SUMF1: variants seen among roughly 807,000 people sequenced by gnomAD.
SUMF1 encodes formylglycine-generating enzyme.
A neutral mutation model predicts 47.6 loss-of-function variants in SUMF1; 48 were observed. The ratio of observed to expected loss-of-function variants is 1.01; its 90% CI spans 0.80 to 1.28. SUMF1 has a LOEUF of 1.28. Ranked by LOEUF, SUMF1 falls within the 50% of genes most tolerant of loss-of-function variation. SUMF1 has a pLI of 0.00. For synonymous variants in SUMF1, 230 were observed against 192.1 expected, an observed-to-expected ratio of 1.20 and a Z score of -1.63; for missense variants, 571 against 485.4, an observed-to-expected ratio of 1.18 and a Z score of -1.66.
At chr3:4,256,041 G>A (rs1367535497) in intron 8 of SUMF1, among the ~76,000 whole-genome samples, 1 of 150,662 alleles carries the variant, frequency 6.6e-6, no homozygotes, top group Non-Finnish European at 1.5e-5. Flanking sequence ...AATGAAGGCA[G>A]AAATAAAGAT....
intron 3 of SUMF1, among the ~76,000 whole-genome samples, chr3:4,423,279 TACACACACACACACACAC>T (rs56729932): frequency 6.8e-6 from 1 of 147,126 alleles, no homozygotes. Flanking sequence ...GAAACTGTGA[TACACACACACACACACAC>T]ACACACACAC....
At chr3:4,105,433 G>C (rs1254510848) in intron 8 of SUMF1, among the ~76,000 whole-genome samples, 1 of 152,116 alleles carries the variant, frequency 6.6e-6, no homozygotes, top group African/African-American at 2.4e-5. Context: ...TGATAAGTTT[G>C]TGAATTAGAA....
intron 8 of SUMF1, among the ~76,000 whole-genome samples, chr3:4,080,447 C>G (rs566344536): frequency 3.9e-5 from 6 of 152,088 alleles, no homozygotes; most frequent in Admixed American, 3.9e-4. Flanking sequence ...TATGCTAATA[C>G]TTGAACCAAC....
At chr3:4,058,608 C>T (rs1419088546) in intron 9 of SUMF1, among the ~76,000 whole-genome samples, 1 of 152,098 alleles carries the variant, frequency 6.6e-6, no homozygotes, top group Non-Finnish European at 1.5e-5. Context: ...ATAGGGAAAT[C>T]ATTTAGTAAT....
chr3:4,261,349 T>C (rs904847096), intron 8 of SUMF1, among the ~76,000 whole-genome samples: 5 of 152,166 alleles, frequency 3.3e-5, no homozygotes, highest in East Asian at 1.9e-4. Context: ...AAGAAGAAGA[T>C]ACATTCAGTT....
intron 3 of SUMF1, among the ~76,000 whole-genome samples, chr3:4,425,371 G>A (rs1432749645): frequency 1.3e-5 from 2 of 152,066 alleles, no homozygotes; most frequent in South Asian, 2.1e-4. Flanking sequence ...AAAAGTACCT[G>A]GTACAGAGTA....
At chr3:4,118,989 A>T (rs1318772738) in intron 8 of SUMF1, among the ~76,000 whole-genome samples, 2 of 151,996 alleles carry the variant, frequency 1.3e-5, no homozygotes, top group Admixed American at 1.3e-4. Flanking sequence ...TCTTTATTTG[A>T]TGTCCTACAA....
rs112156581 is a variant in SUMF1 at position 4,037,351 on chromosome 3, T to C, written c.1191+31218A>G. On this transcript the variant is annotated intron_variant and NMD_transcript_variant, in intron 9 of 12. Transcript: ENST00000448413. ...GTTCTAAGTGGTCTCCTTATCCACCTCCACTTTTAACCCATTCTTTTCACA... is the reference window on the plus strand; with the variant it reads ...GTTCTAAGTGGTCTCCTTATCCACCCCCACTTTTAACCCATTCTTTTCACA... 9.5e-4 allele frequency among the ~76,000 whole-genome samples: 144 copies of C among 152,312 alleles called. 1 individual carries two copies. The highest frequency in any genetic ancestry group is 3.3e-3 in the African/African-American group (136 of 41,556).
chr3:4,249,498 T>C (rs1696745166), intron 8 of SUMF1, among the ~76,000 whole-genome samples: 1 of 152,190 alleles, frequency 6.6e-6, no homozygotes, highest in Non-Finnish European at 1.5e-5. Context: ...TTGATGTTAC[T>C]ATTGTAACTG....
chr3:4,357,890 G>C (rs933871843), downstream of SUMF1, among the ~76,000 whole-genome samples: 1 of 152,066 alleles, frequency 6.6e-6, no homozygotes, highest in Non-Finnish European at 1.5e-5. Flanking sequence ...TTACAGGCAT[G>C]AGCCACCGTG....
In SUMF1 at chr3:4,449,353, T is replaced by C; in HGVS notation, c.445-13A>G. 6.2e-7 allele frequency: 1 copy of C among 1,614,004 alleles called. No individual in the cohort carries two copies. Among genetic ancestry groups the C allele is most frequent in the Non-Finnish European group, 8.5e-7 (1 of 1,179,872 alleles). On this transcript the variant is annotated splice_polypyrimidine_tract_variant and intron_variant, in intron 2 of 8. Coordinates refer to ENST00000272902, the MANE Select transcript of SUMF1 (RefSeq NM_182760.4). Reference sequence around the variant, plus strand: ...CAAACTTCTCAGCCTATAAGGAAGGTAGGAAATAAAAATCCAGAAAAGGTT... The same window carrying C: ...CAAACTTCTCAGCCTATAAGGAAGGCAGGAAATAAAAATCCAGAAAAGGTT...
chr3:4,330,230 C>T lies in SUMF1; in HGVS notation c.1014+46100G>A, dbSNP rs144602379. Among the ~76,000 whole-genome samples, 1,051 of 152,334 alleles carry T rather than the reference C, an allele frequency of 6.9e-3. 8 individuals are homozygous for T. Among genetic ancestry groups the T allele is most frequent in the Middle Eastern group, 0.024 (7 of 294 alleles). Reference sequence around the variant, plus strand: ...ACTGTTCCAACCTCTGCCTGTTACCCAGTTCCAAAGTCTCTTCCACATTTT... The same window carrying T: ...ACTGTTCCAACCTCTGCCTGTTACCTAGTTCCAAAGTCTCTTCCACATTTT... On this transcript the variant is annotated intron_variant and NMD_transcript_variant, in intron 8 of 12. Transcript: ENST00000448413.
intron 8 of SUMF1, among the ~76,000 whole-genome samples, chr3:4,270,106 C>T (rs570857276): frequency 1.3e-5 from 2 of 152,212 alleles, no homozygotes; most frequent in South Asian, 4.2e-4. Flanking sequence ...CATTTACCCA[C>T]GGTTCAGGAG....
At chr3:4,252,104 C>A (rs547966566) in intron 8 of SUMF1, among the ~76,000 whole-genome samples, 3 of 152,228 alleles carry the variant, frequency 2.0e-5, no homozygotes, top group South Asian at 2.1e-4. Context: ...GGTCCTCACC[C>A]CACTGACCTA....
intron 6 of SUMF1, 114 bp from the exon 7 acceptor site, chr3:4,411,092 T>A: frequency 3.3e-6 from 3 of 911,064 alleles, no homozygotes; most frequent in Non-Finnish European, 5.4e-6. Flanking sequence ...TTGGGTTTTA[T>A]TCCAACAGTC....
intron 8 of SUMF1, among the ~76,000 whole-genome samples, chr3:4,325,407 GA>G (rs1698920945): frequency 6.6e-6 from 1 of 152,016 alleles, no homozygotes; most frequent in Non-Finnish European, 1.5e-5. Flanking sequence ...AACAGAAAGA[GA>G]AAAGGGACCA....
chr3:4,290,386 T>C (rs924595095), intron 8 of SUMF1, among the ~76,000 whole-genome samples: 34 of 152,208 alleles, frequency 2.2e-4, no homozygotes, highest in African/African-American at 8.0e-4. Flanking sequence ...TTCAACAGAG[T>C]AAAAACTTCT....
chr3:4,287,903 T>C (rs1306919275), intron 8 of SUMF1, among the ~76,000 whole-genome samples: 1 of 152,214 alleles, frequency 6.6e-6, no homozygotes, highest in African/African-American at 2.4e-5. Flanking sequence ...AAATAGAATA[T>C]TTTGTAAGCT....
chr3:4,268,356 C>T (rs576657644), intron 8 of SUMF1, among the ~76,000 whole-genome samples: 3 of 151,988 alleles, frequency 2.0e-5, no homozygotes, highest in East Asian at 1.9e-4. Context: ...GTGGGTGCAG[C>T]GCACCAGCAT....
Sources: gnomAD v4.1 joint callset for allele counts (sites outside exome capture counted in the v4.1 genomes callset) on GRCh38, gnomAD v4.1.1 for gene constraint, MANE v1.5 for transcripts, NCBI Gene and HGNC (gene_info 2026-07-23, HGNC 2026-07-21) for gene names.